The following EMB variants were observed in gnomAD, a reference collection of about 807,000 sequenced individuals.
EMB encodes the protein embigin.
Under a neutral mutation model 41.4 loss-of-function variants are expected in EMB, and 31 were observed. The observed-to-expected ratio is 0.75, with a 90% CI of 0.56 to 1.01. The LOEUF is 1.01. Ranked by LOEUF, EMB falls within the 50% of genes least tolerant of loss-of-function variation. The pLI, the probability that EMB is intolerant of heterozygous loss-of-function variation, is 0.00. For missense variants in EMB, 379 were observed against 388.3 expected (o/e 0.98, Z 0.20); for synonymous variants, 137 against 140.4 (o/e 0.98, Z 0.17).
In EMB at chr5:50,403,604, AC is replaced by A. The variant is rs1323717660; in HGVS notation, c.601-151del. The A allele has an allele frequency of 3.6e-6, 3 of 829,656 alleles. No individual in the cohort carries two copies. In the Admixed American group the frequency reaches 8.8e-5, roughly 24 times the overall value. 51.4% of individuals were successfully genotyped at this position (829,656 alleles called of 1,614,324 possible). On this transcript the variant is annotated intron_variant, in intron 5 of 8. Coordinates refer to ENST00000303221, the MANE Select transcript of EMB (RefSeq NM_198449.3). ...GTTTGTGAGAGGTTATCTATAACAGACTTAAGTCTTATCAGAGTTTGATCTC... is the reference window on the plus strand; with the variant it reads ...GTTTGTGAGAGGTTATCTATAACAGATTAAGTCTTATCAGAGTTTGATCTC...
Position 50,403,193 on chromosome 5 carries a change from T to C in EMB, c.862A>G (p.Lys288Glu), listed in dbSNP as rs780003121. 1.3e-6 allele frequency: 2 copies of C among 1,596,956 alleles called. No homozygotes were observed. Among genetic ancestry groups the C allele is most frequent in the Middle Eastern group, 1.7e-4 (1 of 5,982 alleles). The change falls in exon 6 of 9, where the codon AAA (lysine) becomes GAA (glutamate). Residue 288 changes from lysine to glutamate, a missense_variant. Physicochemically the swap from Lys to Glu is moderately conservative, Grantham distance 56. Coordinates refer to ENST00000303221, the MANE Select transcript of EMB (RefSeq NM_198449.3). ...ILLCEKYTQK[K>E]KKHSDEGKEF... ...GAAATCCCACCTGAGTGCTTCTTTT[T>C]CTTTTGTGTGTACTTTTCACAAAGC...
intron 2 of EMB, among the ~76,000 whole-genome samples, chr5:50,419,779 C>T (rs968522932): frequency 1.2e-4 from 19 of 152,104 alleles, no homozygotes; most frequent in Admixed American, 3.9e-4. Context: ...AGAATTAACC[C>T]AAATGCCCAT....
At chr5:50,442,200 CG>C (rs2111888423), upstream of EMB, among the ~76,000 whole-genome samples, 1 of 147,802 alleles carries the variant, frequency 6.8e-6, no homozygotes, top group Admixed American at 6.7e-5. Context: ...CAAAATATAT[CG>C]GCGTTAAAAA....
chr5:50,425,870 G>T (rs771262963), intron 2 of EMB, among the ~76,000 whole-genome samples: 2 of 152,040 alleles, frequency 1.3e-5, no homozygotes, highest in Non-Finnish European at 2.9e-5. Context: ...TTTTGGCAGA[G>T]ACGGGGTTTT....
chr5:50,411,239 T>C lies in EMB; in HGVS notation c.341A>G (p.Tyr114Cys). The C allele has an allele frequency of 6.2e-7, 1 of 1,612,934 alleles. No homozygotes were observed. The highest frequency in any genetic ancestry group is 1.3e-5 in the African/African-American group (1 of 74,994). Residue 114 changes from tyrosine (Y) to cysteine (C), a missense_variant, in exon 3 of 9, where the codon TAT becomes TGT. Physicochemically the swap from Tyr to Cys is radical, Grantham distance 194 (BLOSUM62 -2). Transcript: ENST00000303221. The stretch of plus-strand genomic sequence containing the variant: ...GGTGCTTCCTGTTGCACTGACAAGA[T>C]AATTATTCTCAAGTTGTTCACCATC... ...KKDGEQLENN[Y>C]LVSATGSTLY...
intron 7 of EMB, among the ~76,000 whole-genome samples, chr5:50,401,347 C>A (rs567911249): frequency 1.3e-5 from 2 of 152,130 alleles, no homozygotes; most frequent in East Asian, 3.9e-4. Flanking sequence ...ACTGTCTGCT[C>A]CACTCCTGCT....
chr5:50,442,994 C>A (rs919235951), upstream of EMB: 17 of 152,284 alleles, frequency 1.1e-4, no homozygotes, highest in East Asian at 1.5e-3. Flanking sequence ...GCTGTTGGAA[C>A]AAAAGAGTTG....
chr5:50,411,197 C>A lies in EMB; in HGVS notation c.383G>T (p.Arg128Met), dbSNP rs757163267. 3 of 1,602,810 alleles carry A rather than the reference C, an allele frequency of 1.9e-6. No homozygotes were observed. Among genetic ancestry groups the A allele is most frequent in the African/African-American group, 2.7e-5 (2 of 74,514 alleles). Reference sequence around the variant, plus strand: ...GGTAGGTTAAAATTTGTATACTCACCTGTATTGGGTATACAAGGTGCTTCC... The same window carrying A: ...GGTAGGTTAAAATTTGTATACTCACATGTATTGGGTATACAAGGTGCTTCC... Reference protein sequence around the residue: ...ATGSTLYTQYRFTIINSKQMG... With the variant: ...ATGSTLYTQYMFTIINSKQMG... Residue 128 changes from arginine to methionine, a missense_variant and splice_region_variant, in exon 3 of 9, where the codon AGG (arginine) becomes ATG (methionine). Arg to Met is a moderately conservative substitution (Grantham distance 91, BLOSUM62 -1). Transcript: ENST00000303221.
Position 50,396,970 on chromosome 5 carries a change from A to G in EMB, c.*2303T>C, listed in dbSNP as rs2111749932. On this transcript the variant is annotated 3_prime_UTR_variant, in exon 9 of 9. Transcript: ENST00000303221. ...AGCAGCTAGATGTTGGGATAATAAC[A>G]AAAAGACTGCAAAAGGAGAAGATTT... The G allele has an allele frequency of 6.6e-6, 1 of 152,244 alleles. No homozygotes were observed. Among genetic ancestry groups the G allele is most frequent in the Non-Finnish European group, 1.5e-5 (1 of 67,994 alleles). The allele number at this position is 152,244 out of a possible 1,614,324, so 9.4% of individuals were successfully genotyped here. A position where few individuals can be genotyped will look rare whatever the true frequency, so the allele number is the denominator to read the frequency against.
At chr5:50,425,770 G>A (rs1299393825) in intron 2 of EMB, among the ~76,000 whole-genome samples, 14 of 140,246 alleles carry the variant, frequency 1.0e-4, no homozygotes, top group East Asian at 2.1e-4. Context: ...TGCAACCTCC[G>A]CCTCCCAGGT....
intron 2 of EMB, among the ~76,000 whole-genome samples, chr5:50,418,349 C>A (rs533389707): frequency 6.6e-6 from 1 of 152,178 alleles, no homozygotes; most frequent in Non-Finnish European, 1.5e-5. Flanking sequence ...CCTTCCCATC[C>A]GTGTAAGGTT....
upstream of EMB, chr5:50,441,293 A>T (rs28528780): frequency 9.1e-6 from 4 of 438,190 alleles, no homozygotes; most frequent in Non-Finnish European, 1.5e-5. Context: ...GAAAAGGCGG[A>T]ATGGGAGGGG....
intron 2 of EMB, among the ~76,000 whole-genome samples, chr5:50,421,323 T>C (rs1241180786): frequency 6.6e-6 from 1 of 152,122 alleles, no homozygotes; most frequent in Non-Finnish European, 1.5e-5. Context: ...ATCAGAGAAA[T>C]GCAAATCAAA....
intron 2 of EMB, among the ~76,000 whole-genome samples, chr5:50,424,859 T>C (rs2111836951): frequency 6.6e-6 from 1 of 152,206 alleles, no homozygotes; most frequent in South Asian, 2.1e-4. Flanking sequence ...CTTCTGTTAA[T>C]ATAAACAAAA....
intron 2 of EMB, among the ~76,000 whole-genome samples, chr5:50,416,819 A>G (rs1407808575): frequency 6.6e-6 from 1 of 152,176 alleles, no homozygotes; most frequent in Non-Finnish European, 1.5e-5. Flanking sequence ...GCACCATGAC[A>G]GTTTACCATT....
rs1745333884 is a variant in EMB at position 50,411,324 on chromosome 5, G to T, written c.256C>A (p.Leu86Ile). ...ITLERPSNVN[L>I]TCQFTTSGDL... is the part of the protein sequence containing the mutation. ...CCAGATGTTGTGAACTGGCATGTGA[G>T]ATTTACATTAGAAGGCCTTTCTAAA... Residue 86 changes from leucine (L) to isoleucine (I), a missense_variant, in exon 3 of 9, where the codon CTC (leucine) becomes ATC (isoleucine). Coordinates refer to ENST00000303221, the MANE Select transcript of EMB (RefSeq NM_198449.3). 2 of 1,612,378 alleles carry T rather than the reference G, an allele frequency of 1.2e-6. No individual in the cohort carries two copies. The highest frequency in any genetic ancestry group is 1.7e-6 in the Non-Finnish European group (2 of 1,179,122).
At chr5:50,407,266 C>T (rs1745263866) in intron 4 of EMB, among the ~76,000 whole-genome samples, 1 of 151,936 alleles carries the variant, frequency 6.6e-6, no homozygotes, top group South Asian at 2.1e-4. Flanking sequence ...AAAGGTAATT[C>T]TTGGGGAAAA....
chr5:50,423,182 GA>G (rs1745553789), intron 2 of EMB, among the ~76,000 whole-genome samples: 1 of 149,944 alleles, frequency 6.7e-6, no homozygotes, highest in Non-Finnish European at 1.5e-5. Context: ...TCAATTTTCA[GA>G]ATACATATGG....
At chr5:50,415,004 T>C (rs926836168) in intron 2 of EMB, among the ~76,000 whole-genome samples, 1 of 152,090 alleles carries the variant, frequency 6.6e-6, no homozygotes, top group Non-Finnish European at 1.5e-5. Flanking sequence ...ACTGAAGTCG[T>C]TTTTTTATTT....
Sources: allele counts gnomAD v4.1 joint callset (sites outside exome capture counted in the v4.1 genomes callset), GRCh38; gene constraint gnomAD v4.1.1; transcripts MANE v1.5; gene names NCBI Gene and HGNC (gene_info 2026-07-23, HGNC 2026-07-21).